KDM3B: variants seen among roughly 807,000 people sequenced by gnomAD.
The protein encoded by KDM3B is lysine-specific demethylase 3B.
KDM3B carries 10 observed loss-of-function variants against 170.0 expected under a neutral mutation model. The ratio of observed to expected loss-of-function variants is 0.06; its 90% CI spans 0.04 to 0.10. The LOEUF (loss-of-function observed/expected upper bound fraction) is 0.10. Among genes scored for constraint, KDM3B ranks in the 10% least tolerant of loss-of-function variants. KDM3B has a pLI of 1.00. For missense variants in KDM3B, 1,394 were observed against 2,195.2 expected (o/e 0.64, Z 7.29); for synonymous variants, 831 against 834.8 (o/e 1.00, Z 0.08).
chr5:138,415,645 C>T (rs1164148332), intron 12 of KDM3B, among the ~76,000 whole-genome samples: 1 of 151,058 alleles, frequency 6.6e-6, no homozygotes, highest in Admixed American at 6.6e-5. Context: ...AGACGGAGTC[C>T]CAATATGTTG....
chr5:138,430,498 C>A, intron 22 of KDM3B, 73 bp downstream of exon 22: 2 of 1,372,850 alleles, frequency 1.5e-6, no homozygotes, highest in Non-Finnish European at 2.0e-6. Context: ...TGCTAATCTA[C>A]CAAGAGATTT....
intron 1 of KDM3B, among the ~76,000 whole-genome samples, chr5:138,360,778 G>T (rs946916490): frequency 5.9e-5 from 9 of 152,016 alleles, no homozygotes; most frequent in African/African-American, 2.2e-4. Flanking sequence ...TTTTAATAGA[G>T]ACAGGGTTTT....
intron 1 of KDM3B, among the ~76,000 whole-genome samples, chr5:138,363,811 G>A (rs1005662523): frequency 1.3e-5 from 2 of 152,212 alleles, no homozygotes; most frequent in African/African-American, 4.8e-5. Context: ...CTCCCAAAGT[G>A]CTGGGATTAC....
intron 1 of KDM3B, among the ~76,000 whole-genome samples, chr5:138,366,722 G>A (rs1761753311): frequency 6.6e-6 from 1 of 152,202 alleles, no homozygotes; most frequent in African/African-American, 2.4e-5. Context: ...CATAAACTCA[G>A]ATAGGTCTAG....
At chr5:138,377,889 A>G in intron 4 of KDM3B, 64 bp downstream of exon 4, 5 of 1,186,418 alleles carry the variant, frequency 4.2e-6, no homozygotes, top group South Asian at 3.8e-5. Flanking sequence ...GTTGAGTGAT[A>G]GTATGGAATC....
At position 138,419,668 on chromosome 5, in the gene KDM3B, A is replaced by AAAT. The variant is rs1408643891; in HGVS notation, c.3715+437_3715+438insATA. Among the ~76,000 whole-genome samples the AAAT allele has an allele frequency of 3.1e-3, 341 of 109,230 alleles. 17 individuals carry two copies. Among genetic ancestry groups the AAAT allele is most frequent in the East Asian group, 7.2e-3 (29 of 4,046 alleles). The allele number at this position is 109,230 out of a possible 152,430, so 71.7% of individuals were successfully genotyped here. A position where few individuals can be genotyped will look rare whatever the true frequency, so the allele number is the denominator to read the frequency against. ...ACTCTGTCTCAAAAAAAAAAAAAAA[A>AAAT]ATATATATATATATATATATACATA... On this transcript the variant is annotated intron_variant, in intron 14 of 23. Coordinates refer to ENST00000314358, the MANE Select transcript of KDM3B (RefSeq NM_016604.4).
At position 138,372,272 on chromosome 5, in the gene KDM3B, T is replaced by C. The variant is rs766062383; in HGVS notation, c.193-402T>C. Among the ~76,000 whole-genome samples the C allele has an allele frequency of 2.9e-4, 44 of 152,350 alleles. 1 individual carries two copies. The highest frequency in any genetic ancestry group is 3.4e-3 in the Middle Eastern group (1 of 294). ...AATAGAAGTATTAAAAATGTCTTCC[T>C]ATTGGATTATGAGCTTTTTGAGACC... On this transcript the variant is annotated intron_variant, in intron 1 of 23. Transcript: ENST00000314358.
intron 11 of KDM3B, among the ~76,000 whole-genome samples, chr5:138,409,465 G>A (rs1762905673): frequency 6.6e-6 from 1 of 152,320 alleles, no homozygotes; most frequent in Non-Finnish European, 1.5e-5. Flanking sequence ...CTGGGAGGCA[G>A]AAGCTTCAGT....
At chr5:138,409,420 G>A (rs1453929835) in intron 11 of KDM3B, among the ~76,000 whole-genome samples, 1 of 152,150 alleles carries the variant, frequency 6.6e-6, no homozygotes, top group Non-Finnish European at 1.5e-5. Flanking sequence ...AAATTGAAAT[G>A]TAATGGGAGG....
intron 1 of KDM3B, among the ~76,000 whole-genome samples, chr5:138,355,190 T>C (rs980641603): frequency 2.6e-5 from 4 of 152,240 alleles, no homozygotes; most frequent in African/African-American, 9.6e-5. Context: ...ATGTTTAAGA[T>C]GTTTTCAGGC....
At chr5:138,407,974 A>G (rs1294520099) in intron 11 of KDM3B, among the ~76,000 whole-genome samples, 1 of 152,200 alleles carries the variant, frequency 6.6e-6, no homozygotes, top group Non-Finnish European at 1.5e-5. Context: ...AGCAGCCCCA[A>G]ATTATTTTCT....
chr5:138,433,287 G>GT (rs1463647853), intron 23 of KDM3B, among the ~76,000 whole-genome samples: 3 of 149,842 alleles, frequency 2.0e-5, no homozygotes, highest in Non-Finnish European at 4.4e-5. Flanking sequence ...AATTTTTGTA[G>GT]TTTTTTAATA....
At chr5:138,388,329 G>A (rs1349491676) in intron 7 of KDM3B, among the ~76,000 whole-genome samples, 1 of 151,862 alleles carries the variant, frequency 6.6e-6, no homozygotes, top group Non-Finnish European at 1.5e-5. Context: ...TCTAGGATAT[G>A]ATTTAAAAGT....
chr5:138,378,299 GA>G (rs1366018144), intron 4 of KDM3B, among the ~76,000 whole-genome samples: 1 of 152,088 alleles, frequency 6.6e-6, no homozygotes, highest in African/African-American at 2.4e-5. Flanking sequence ...CAATTAATTA[GA>G]AAATCTTTGC....
intron 23 of KDM3B, among the ~76,000 whole-genome samples, chr5:138,433,114 C>CT (rs1199984013): frequency 0.013 from 1,744 of 136,340 alleles, 19 homozygotes; most frequent in Non-Finnish European, 0.014. Context: ...CTTTTCCTTT[C>CT]TTTTTTTTTT....
At chr5:138,373,345 C>CA (rs1440648421) in intron 2 of KDM3B, among the ~76,000 whole-genome samples, 25 of 150,708 alleles carry the variant, frequency 1.7e-4, no homozygotes, top group Non-Finnish European at 3.0e-4. Context: ...GTCTCAAAAA[C>CA]AAAAAAAACA....
chr5:138,380,243 T>G (rs2126932610), intron 5 of KDM3B, among the ~76,000 whole-genome samples: 1 of 151,648 alleles, frequency 6.6e-6, no homozygotes, highest in Admixed American at 6.6e-5. Context: ...CACCTCAGCC[T>G]CCCAAAGTGT....
At position 138,352,746 on chromosome 5, in the gene KDM3B, G is replaced by A. The variant is rs1561750231; in HGVS notation, c.-50G>A. 4.2e-6 allele frequency: 5 copies of A among 1,189,280 alleles called. No individual in the cohort carries two copies. The East Asian group carries it at 1.9e-4, about 45-fold the overall frequency. The allele number at this position is 1,189,280 out of a possible 1,614,324, so 73.7% of individuals were successfully genotyped here. On this transcript the variant is annotated 5_prime_UTR_variant, in exon 1 of 24. Coordinates refer to ENST00000314358, the MANE Select transcript of KDM3B (RefSeq NM_016604.4). ...CGGGCGGATCGGGCGCTTGGCGGCG[G>A]AGGTGGTGGGAGGCGGCGGGCGGGA... is the stretch of plus-strand genomic sequence containing the variant.
chr5:138,420,018 TG>T (rs931816763), intron 14 of KDM3B, among the ~76,000 whole-genome samples: 6 of 152,266 alleles, frequency 3.9e-5, no homozygotes, highest in African/African-American at 1.4e-4. Flanking sequence ...CCCAAGTAGC[TG>T]GGATTACAGG....
Sources: gnomAD v4.1 joint callset for allele counts (sites outside exome capture counted in the v4.1 genomes callset) on GRCh38, gnomAD v4.1.1 for gene constraint, MANE v1.5 for transcripts, NCBI Gene and HGNC (gene_info 2026-07-23, HGNC 2026-07-21) for gene names.